Variants in PBRM1 observed in about 807,000 individuals in gnomAD.
PBRM1 encodes protein polybromo-1.
Under a neutral mutation model 194.5 loss-of-function variants are expected in PBRM1, and 27 were observed. The observed-to-expected ratio is 0.14, with a 90% CI of 0.10 to 0.19. The LOEUF (loss-of-function observed/expected upper bound fraction) is 0.19, where lower values mean the gene tolerates loss of function less well. PBRM1 is among the 10% of genes least tolerant of loss of function. PBRM1 has a pLI of 1.00. For synonymous variants in PBRM1, 655 were observed against 693.2 expected (o/e 0.94, Z 0.87); for missense variants, 1,466 against 2,077.2 (o/e 0.71, Z 5.72).
At chr3:52,561,728 C>T (rs750071002) in intron 25 of PBRM1, 39 bp downstream of exon 27, 2 of 1,566,510 alleles carry the variant, frequency 1.3e-6, no homozygotes, top group Non-Finnish European at 1.8e-6. Flanking sequence ...TGAAACACCC[C>T]CTTGCTTCGA....
intron 10 of PBRM1, among the ~76,000 whole-genome samples, chr3:52,638,941 C>G (rs961371532): frequency 4.0e-5 from 5 of 125,376 alleles, no homozygotes; most frequent in African/African-American, 1.6e-4. Context: ...ATCTGGTCAT[C>G]TAAATTTTTA....
At chr3:52,575,946 T>C (rs924815939) in intron 22 of PBRM1, among the ~76,000 whole-genome samples, 2 of 151,710 alleles carry the variant, frequency 1.3e-5, no homozygotes, top group East Asian at 3.9e-4. Context: ...ATAACTGAAA[T>C]GAAAAATTTA....
chr3:52,609,253 T>C lies in PBRM1; in HGVS notation c.2567+60A>G. 1.6e-6 allele frequency: 2 copies of C among 1,273,068 alleles called. No homozygotes were observed. Among genetic ancestry groups the C allele is most frequent in the Non-Finnish European group, 2.2e-6 (2 of 899,398 alleles). 78.9% of individuals were successfully genotyped at this position (1,273,068 alleles called of 1,614,324 possible). ...AATAGTACATCAAAGCAATATTCTT[T>C]CATCTGTTTTGTATTAAATAGCACA... On this transcript the variant is annotated intron_variant, in intron 16 of 29. Transcript: ENST00000296302. The surrounding 1 kb of genome is among the most constrained non-coding windows in gnomAD (Gnocchi z 4.1).
chr3:52,547,967 A>T (rs1175384987), downstream of PBRM1: 30 of 981,838 alleles, frequency 3.1e-5, no homozygotes, highest in Non-Finnish European at 4.6e-5. Context: ...AATAAAAATT[A>T]TCCTCCTTTG....
chr3:52,610,317 G>C (rs767537207), intron 15 of PBRM1, among the ~76,000 whole-genome samples: 5 of 152,158 alleles, frequency 3.3e-5, no homozygotes, highest in Non-Finnish European at 7.4e-5. Flanking sequence ...TAATTACCTT[G>C]AGGCCTTTAA....
intron 13 of PBRM1, chr3:52,624,929 G>C: frequency 6.5e-7 from 1 of 1,547,762 alleles, no homozygotes; most frequent in South Asian, 1.2e-5. Flanking sequence ...ACATCTCACT[G>C]TCATGAGTGT....
At chr3:52,563,203 A>T in intron 24 of PBRM1, 80 bp downstream of exon 26, 1 of 963,734 alleles carries the variant, frequency 1.0e-6, no homozygotes, top group Non-Finnish European at 1.6e-6. Context: ...GAGGGGCTGG[A>T]TGTCACTTTA....
intron 21 of PBRM1, among the ~76,000 whole-genome samples, chr3:52,576,990 G>T (rs1367000383): frequency 6.6e-6 from 1 of 152,200 alleles, no homozygotes; most frequent in African/African-American, 2.4e-5. Context: ...TTCTTCCTGA[G>T]ACGTTCATGA....
chr3:52,678,730 C>A, intron 1 of PBRM1, 133 bp from the exon 3 acceptor site: 1 of 590,006 alleles, frequency 1.7e-6, no homozygotes, highest in Non-Finnish European at 3.0e-6. Flanking sequence ...TATTACCAAA[C>A]ATGCTAAAGT....
At chr3:52,613,337 GTT>G (rs577658031) in intron 15 of PBRM1, among the ~76,000 whole-genome samples, 15 of 140,096 alleles carry the variant, frequency 1.1e-4, no homozygotes, top group Admixed American at 7.2e-5. Flanking sequence ...GGACTATTCT[GTT>G]TTTTTTTTTT....
At chr3:52,579,944 A>G (rs2090666667) in intron 20 of PBRM1, among the ~76,000 whole-genome samples, 1 of 152,216 alleles carries the variant, frequency 6.6e-6, no homozygotes, top group South Asian at 2.1e-4. Flanking sequence ...CTTAACATTA[A>G]CAATTGATAA....
intron 15 of PBRM1, 120 bp from the exon 18 acceptor site, chr3:52,610,075 T>C (rs956572299): frequency 6.7e-6 from 4 of 594,734 alleles, no homozygotes; most frequent in Non-Finnish European, 1.1e-5. Flanking sequence ...AATTAGCATG[T>C]CTATAGTGAA....
chr3:52,615,640 T>G (rs2153473440), intron 14 of PBRM1, among the ~76,000 whole-genome samples, 184 bp from the exon 17 acceptor site: 1 of 152,288 alleles, frequency 6.6e-6, no homozygotes, highest in Non-Finnish European at 1.5e-5. Flanking sequence ...CCTTAACTGG[T>G]TTGTTTTTAA....
intron 5 of PBRM1, among the ~76,000 whole-genome samples, chr3:52,656,035 G>C (rs1384691528): frequency 6.6e-6 from 1 of 152,098 alleles, no homozygotes; most frequent in Non-Finnish European, 1.5e-5. Flanking sequence ...ATCACAATAG[G>C]GCTAAGTGCT....
intron 10 of PBRM1, among the ~76,000 whole-genome samples, chr3:52,641,465 A>AAAAAAAAAAAAAAAG (rs1560665000): frequency 2.3e-5 from 3 of 131,252 alleles, no homozygotes; most frequent in African/African-American, 3.6e-5. Flanking sequence ...AAAAAAAAAG[A>AAAAAAAAAAAAAAAG]AAAAAAAAAG....
rs139331573 is a variant in PBRM1 at position 52,603,955 on chromosome 3, C to G, written c.2568-223G>C. Reference sequence around the variant, plus strand: ...TTTTCCTTTACTTCAAGGCTCACTTCTTGTACAGCTCATGAAAAACGAAAG... The same window carrying G: ...TTTTCCTTTACTTCAAGGCTCACTTGTTGTACAGCTCATGAAAAACGAAAG... On this transcript the variant is annotated intron_variant, in intron 16 of 29. Coordinates refer to ENST00000296302, the Ensembl canonical transcript of PBRM1. Among the ~76,000 whole-genome samples, 557 of 152,290 alleles carry G rather than the reference C, an allele frequency of 3.7e-3. 6 individuals are homozygous for G. Among genetic ancestry groups the G allele is most frequent in the African/African-American group, 0.012 (509 of 41,558 alleles).
At chr3:52,576,916 GA>G (rs1410255822) in intron 21 of PBRM1, among the ~76,000 whole-genome samples, 4 of 152,100 alleles carry the variant, frequency 2.6e-5, no homozygotes, top group Admixed American at 6.5e-5. Context: ...TTTTCCAAGT[GA>G]AAAAAATTTT....
At chr3:52,590,190 G>A (rs867646214) in intron 17 of PBRM1, among the ~76,000 whole-genome samples, 5 of 151,742 alleles carry the variant, frequency 3.3e-5, no homozygotes, top group Admixed American at 1.3e-4. Flanking sequence ...GGCAGCTCAC[G>A]CCTGTAATCC....
intron 10 of PBRM1, among the ~76,000 whole-genome samples, chr3:52,640,629 ACCAGCCATAT>A (rs2096039628): frequency 6.8e-6 from 1 of 148,036 alleles, no homozygotes; most frequent in Non-Finnish European, 1.5e-5. Context: ...GTCTCTTGTA[ACCAGCCATAT>A]AACCTCTTTT....
Sources: gnomAD v4.1 joint callset for allele counts (sites outside exome capture counted in the v4.1 genomes callset) on GRCh38, gnomAD v4.1.1 for gene constraint, Gnocchi (gnomAD v3.1) non-coding constraint, MANE v1.5 for transcripts, NCBI Gene and HGNC (gene_info 2026-07-23, HGNC 2026-07-21) for gene names.